Variants in RASAL1 observed in about 807,000 individuals in gnomAD.
The protein encoded by RASAL1 is rasGAP-activating-like protein 1.
Under a neutral mutation model 96.6 loss-of-function variants are expected in RASAL1, and 72 were observed. The ratio of observed to expected loss-of-function variants is 0.75; its 90% confidence interval spans 0.62 to 0.91. The LOEUF is 0.91. Among genes scored for constraint, RASAL1 ranks in the 40% least tolerant of loss-of-function variants. The pLI is 0.00. For synonymous variants in RASAL1, 405 were observed against 430.4 expected (o/e 0.94, Z 0.73); for missense variants, 1,016 against 1,072.5 (o/e 0.95, Z 0.74).
chr12:113,111,093 G>A (rs1036581693), intron 13 of RASAL1, among the ~76,000 whole-genome samples: 2 of 149,306 alleles, frequency 1.3e-5, no homozygotes, highest in East Asian at 1.9e-4. Context: ...CACCCCACGC[G>A]CTGCTTGCTT....
At chr12:113,127,565 G>A (rs574240505) in intron 4 of RASAL1, among the ~76,000 whole-genome samples, 2 of 152,116 alleles carry the variant, frequency 1.3e-5, no homozygotes, top group South Asian at 2.1e-4. Flanking sequence ...TGGGAGGATC[G>A]CTTGAGCCCA....
At chr12:113,108,410 A>G (rs1168529648) in intron 13 of RASAL1, among the ~76,000 whole-genome samples, 188 bp from the exon 14 acceptor site, 1 of 152,216 alleles carries the variant, frequency 6.6e-6, no homozygotes, top group Admixed American at 6.5e-5. Context: ...TGGAAAATGG[A>G]ATAACAAAAC....
chr12:113,116,347 G>A (rs946140896), intron 8 of RASAL1, among the ~76,000 whole-genome samples: 9 of 151,764 alleles, frequency 5.9e-5, no homozygotes, highest in African/African-American at 1.9e-4. Flanking sequence ...GTGACAGAGC[G>A]ATACTCTGTC....
rs952585842 is a variant in RASAL1 at position 113,112,266 on chromosome 12, G to A, written c.1194C>T (p.Phe398=). 8.7e-6 allele frequency: 11 copies of A among 1,261,140 alleles called. No homozygotes were observed. The highest frequency in any genetic ancestry group is 1.0e-5 in the Non-Finnish European group (10 of 994,652). The allele number at this position is 1,261,140 out of a possible 1,614,324, so 78.1% of individuals were successfully genotyped here. Residue 398 remains phenylalanine (F), a synonymous_variant, in exon 13 of 21, where the codon TTC becomes TTT. Coordinates refer to ENST00000548055, the MANE Select transcript of RASAL1 (RefSeq NM_001301202.2). ...MDLGRTRRIS[F]KGALSEEQMR... is the part of the protein sequence containing the mutation. ...TCTGCTCCTCCGAGAGTGCGCCTTT[G>A]AAGGAGATCCTCCTGGAGGGGCCGG... is the stretch of plus-strand genomic sequence containing the variant.
chr12:113,103,101 T>C (rs1460890960), intron 18 of RASAL1: 14 of 316,948 alleles, frequency 4.4e-5, no homozygotes, highest in African/African-American at 1.1e-4. Context: ...ACTTATAACA[T>C]TGTATTACAT....
Position 113,115,153 on chromosome 12 carries a change from G to A in RASAL1, c.1068+47C>T, listed in dbSNP as rs766372976. 1 of 1,543,740 alleles carries A rather than the reference G, an allele frequency of 6.5e-7. No homozygotes were observed. Among genetic ancestry groups the A allele is most frequent in the South Asian group, 1.1e-5 (1 of 89,514 alleles). ...GAGCCAGGTAGGCACTGGGAAGGAG[G>A]TACCCGAGGAAGCTGCGCCTGGTCC... On this transcript the variant is annotated intron_variant, in intron 11 of 20. Coordinates refer to ENST00000548055, the MANE Select transcript of RASAL1 (RefSeq NM_001301202.2). This position sits in a 1 kb window ranked among gnomAD's most constrained non-coding sequence, Gnocchi z 4.1.
In RASAL1 at chr12:113,099,912, C is replaced by G. The variant is rs1566028472; in HGVS notation, c.*17G>C. 3 of 1,603,988 alleles carry G rather than the reference C, an allele frequency of 1.9e-6. No homozygotes were observed. The highest frequency in any genetic ancestry group is 2.6e-6 in the Non-Finnish European group (3 of 1,174,030). On this transcript the variant is annotated 3_prime_UTR_variant, in exon 21 of 21. Coordinates refer to ENST00000548055, the MANE Select transcript of RASAL1 (RefSeq NM_001301202.2). ...CCTGGCTCTTGCTCCTCCTTCCGGG[C>G]TAGCTCTGGCATTTCCTTAGGGGCC...
chr12:113,109,036 TGTG>T (rs1405179933), intron 13 of RASAL1, among the ~76,000 whole-genome samples: 14 of 44,084 alleles, frequency 3.2e-4, no homozygotes, highest in Admixed American at 5.6e-4. Context: ...TAGGTTTTTT[TGTG>T]TGTGTTTTTT....
rs112623602 is a variant in RASAL1, at chr12:113,115,076, G to T, written c.1068+124C>A. The T allele has an allele frequency of 2.5e-6, 3 of 1,186,900 alleles. No homozygotes were observed. Among genetic ancestry groups the T allele is most frequent in the South Asian group, 2.6e-5 (2 of 78,370 alleles). 73.5% of individuals were successfully genotyped at this position (1,186,900 alleles called of 1,614,324 possible). A position where few individuals can be genotyped will look rare whatever the true frequency, so the allele number is the denominator to read the frequency against. On this transcript the variant is annotated intron_variant, in intron 11 of 20. Transcript: ENST00000548055. The surrounding 1 kb of genome is among the most constrained non-coding windows in gnomAD (Gnocchi z 4.1). Reference sequence around the variant, plus strand: ...CTCAGGGCAAGGCCGGGCACCAGCCGCCAGCACTGCAGCTCGGCTGCTCAG... The same window carrying T: ...CTCAGGGCAAGGCCGGGCACCAGCCTCCAGCACTGCAGCTCGGCTGCTCAG...
chr12:113,117,767 C>G (rs1475283821), intron 7 of RASAL1, among the ~76,000 whole-genome samples: 1 of 152,160 alleles, frequency 6.6e-6, no homozygotes, highest in Non-Finnish European at 1.5e-5. Context: ...TTTTCTGTGT[C>G]GGTAGATTTG....
At chr12:113,104,488 TTTA>T (rs1266000094) in intron 16 of RASAL1, among the ~76,000 whole-genome samples, 190 bp from the exon 17 acceptor site, 28 of 152,096 alleles carry the variant, frequency 1.8e-4, no homozygotes, top group African/African-American at 5.6e-4. Flanking sequence ...CCTATCCCCT[TTTA>T]TTTTTTTAAT....
rs569572065 is a variant in RASAL1, at chr12:113,129,361, C to T, written c.123-1183G>A. ...AAGGCCCTGTAGCAGGAATGAGTTTCGTGAGCTGAAGGAATAGGAAGGTGC... is the reference window on the plus strand; with the variant it reads ...AAGGCCCTGTAGCAGGAATGAGTTTTGTGAGCTGAAGGAATAGGAAGGTGC... On this transcript the variant is annotated intron_variant, in intron 2 of 20. Coordinates refer to ENST00000548055, the MANE Select transcript of RASAL1 (RefSeq NM_001301202.2). This position sits in a 1 kb window ranked among gnomAD's most constrained non-coding sequence, Gnocchi z 5.0. Among the ~76,000 whole-genome samples, 45 of 152,160 alleles carry T rather than the reference C, an allele frequency of 3.0e-4. 5 individuals are homozygous for T. The highest frequency in any genetic ancestry group is 9.9e-4 in the African/African-American group (41 of 41,502).
At chr12:113,107,293 G>C in intron 14 of RASAL1, 52 bp from the exon 15 acceptor site, 3 of 1,505,256 alleles carry the variant, frequency 2.0e-6, no homozygotes, top group Non-Finnish European at 1.8e-6. Flanking sequence ...CAGAGGGTAG[G>C]GCCCCTCCTG....
intron 13 of RASAL1, among the ~76,000 whole-genome samples, chr12:113,110,993 C>G (rs565066853): frequency 1.3e-5 from 2 of 152,226 alleles, no homozygotes; most frequent in Non-Finnish European, 2.9e-5. Context: ...TACTGGGCTT[C>G]CATTCCTATA....
intron 8 of RASAL1, among the ~76,000 whole-genome samples, chr12:113,116,397 C>T (rs1312930261): frequency 6.6e-6 from 1 of 151,916 alleles, no homozygotes; most frequent in Non-Finnish European, 1.5e-5. Context: ...ATGAAAGATG[C>T]CCTTATGGAA....
At chr12:113,107,483 C>T (rs537002293) in intron 14 of RASAL1, 55 of 602,804 alleles carry the variant, frequency 9.1e-5, no homozygotes, top group Non-Finnish European at 1.4e-4. Context: ...ATTAGCTGGT[C>T]GTGGTGGCTC....
intron 7 of RASAL1, among the ~76,000 whole-genome samples, chr12:113,117,408 G>A: frequency 6.6e-6 from 1 of 152,180 alleles, no homozygotes; most frequent in Non-Finnish European, 1.5e-5. Flanking sequence ...CAGCGATGTG[G>A]AGTGATTTGC....
Position 113,115,682 on chromosome 12 carries a change from G to A in RASAL1, c.956C>T (p.Ala319Val), listed in dbSNP as rs772049057. The A allele has an allele frequency of 2.5e-6, 4 of 1,614,000 alleles. No homozygotes were observed. The South Asian group carries it at 4.4e-5, about 18-fold the overall frequency. Reference sequence around the variant, plus strand: ...GGTGAGATAGTCCAGAAAGCGCCCAGCCAGTCCCCGGCCAAGAAAGAGTTT... The same window carrying A: ...GGTGAGATAGTCCAGAAAGCGCCCAACCAGTCCCCGGCCAAGAAAGAGTTT... ...LVKLFLGRGL[A>V]GRFLDYLTRR... is the part of the protein sequence containing the mutation. The change falls in exon 10 of 21, where the codon GCT becomes GTT. Residue 319 changes from alanine (A) to valine (V), a missense_variant. Ala to Val is a moderately conservative substitution (Grantham distance 64). Transcript: ENST00000548055. The surrounding 1 kb of genome is among the most constrained non-coding windows in gnomAD (Gnocchi z 4.1).
chr12:113,106,981 C>T, intron 15 of RASAL1, 116 bp downstream of exon 15: 1 of 1,191,430 alleles, frequency 8.4e-7, no homozygotes, highest in Non-Finnish European at 1.2e-6. Flanking sequence ...TGTTAGTTGA[C>T]TGACCCACAG....
Sources: allele counts gnomAD v4.1 joint callset (sites outside exome capture counted in the v4.1 genomes callset), GRCh38; gene constraint gnomAD v4.1.1; non-coding constraint Gnocchi (gnomAD v3.1); transcripts MANE v1.5; gene names NCBI Gene and HGNC (gene_info 2026-07-23, HGNC 2026-07-21).